EPRS1: variants seen among roughly 807,000 people sequenced by gnomAD.
EPRS1 encodes the protein bifunctional glutamate/proline--tRNA ligase.
EPRS1 carries 107 observed loss-of-function variants against 188.3 expected under a neutral mutation model. That is an observed-to-expected ratio of 0.57 (90% CI 0.49 to 0.67). The LOEUF (loss-of-function observed/expected upper bound fraction) is 0.67. Ranked by LOEUF, EPRS1 falls within the 30% of genes least tolerant of loss-of-function variation. The probability of loss-of-function intolerance (pLI) is 0.00; values close to 1 mark genes in which losing one functional copy is unlikely to be tolerated. For missense variants in EPRS1, 1,577 were observed against 1,802.2 expected (o/e 0.88, Z 2.26); for synonymous variants, 596 against 593.1 (o/e 1.00, Z -0.07).
At chr1:220,044,596 C>T (rs1055662060) in intron 1 of EPRS1, among the ~76,000 whole-genome samples, 5 of 143,640 alleles carry the variant, frequency 3.5e-5, no homozygotes, top group African/African-American at 7.7e-5. Context: ...CATGGTGGTG[C>T]GCACCTCTAA....
At position 219,968,787 on chromosome 1, in the gene EPRS1, G is replaced by C. The variant is rs746928268; in HGVS notation, c.*19C>G. The C allele has an allele frequency of 1.2e-6, 2 of 1,612,846 alleles. No homozygotes were observed. Among genetic ancestry groups the C allele is most frequent in the Non-Finnish European group, 8.5e-7 (1 of 1,178,994 alleles). ...TTTAAAAAGTGAGAGGAGTTGAAGA[G>C]GGGGCTTTCGTTCATCCCTCAGTAG... On this transcript the variant is annotated 3_prime_UTR_variant, in exon 32 of 32. Transcript: ENST00000366923.
intron 1 of EPRS1, among the ~76,000 whole-genome samples, chr1:220,045,668 A>G (rs1330155180): frequency 6.6e-6 from 1 of 152,232 alleles, no homozygotes; most frequent in African/African-American, 2.4e-5. Context: ...TGACAGATCC[A>G]ATGTTTACTC....
intron 9 of EPRS1, among the ~76,000 whole-genome samples, chr1:220,020,524 T>C (rs1289367245): frequency 2.6e-5 from 4 of 151,980 alleles, no homozygotes; most frequent in African/African-American, 9.7e-5. Context: ...ATGTATAACA[T>C]AGTAGGAAGC....
rs1309713805 is a variant in EPRS1, at chr1:220,010,668, G to A, written c.1605+278C>T. 2.6e-5 allele frequency among the ~76,000 whole-genome samples: 4 copies of A among 152,106 alleles called. No homozygotes were observed. The East Asian group carries it at 5.8e-4, about 22-fold the overall frequency. ...CCACTAAAAATACGAAAATTAGCTAGGCGTAGTGGGGGGCACCTGTAATTC... is the reference window on the plus strand; with the variant it reads ...CCACTAAAAATACGAAAATTAGCTAAGCGTAGTGGGGGGCACCTGTAATTC... On this transcript the variant is annotated intron_variant, in intron 13 of 31. Transcript: ENST00000366923.
intron 9 of EPRS1, among the ~76,000 whole-genome samples, chr1:220,020,859 T>C (rs2102589721): frequency 8.9e-6 from 1 of 112,484 alleles, no homozygotes; most frequent in East Asian, 2.7e-4. Context: ...TATATATATA[T>C]ATATATATAT....
At chr1:219,987,006 C>A in intron 20 of EPRS1, 136 bp downstream of exon 20, 1 of 880,034 alleles carries the variant, frequency 1.1e-6, no homozygotes, top group Non-Finnish European at 1.8e-6. Context: ...TCAATAAATG[C>A]TATCTGCTGA....
At chr1:220,032,278 C>A in intron 5 of EPRS1, 109 bp downstream of exon 5, 1 of 739,044 alleles carries the variant, frequency 1.4e-6, no homozygotes, top group Non-Finnish European at 2.0e-6. Context: ...AGCAGAGATG[C>A]GGTTTCACCG....
At chr1:219,996,947 T>G (rs752615651) in intron 18 of EPRS1, 36 bp downstream of exon 18, 14 of 1,529,798 alleles carry the variant, frequency 9.2e-6, no homozygotes, top group Non-Finnish European at 1.2e-5. Context: ...ATTCACACAC[T>G]GAAAATGTGG....
chr1:219,981,832 A>G (rs2102564391), intron 23 of EPRS1, among the ~76,000 whole-genome samples: 1 of 152,344 alleles, frequency 6.6e-6, no homozygotes, highest in South Asian at 2.1e-4. Context: ...TCTCACATTC[A>G]ACCCACAAGA....
chr1:220,032,627 T>C lies in EPRS1; in HGVS notation c.389-101A>G, dbSNP rs547430305. The C allele has an allele frequency of 1.0e-4, 119 of 1,179,236 alleles. No individual in the cohort carries two copies. In the African/African-American group the frequency reaches 1.7e-3, roughly 17 times the overall value. 73.0% of individuals were successfully genotyped at this position (1,179,236 alleles called of 1,614,324 possible). Reference sequence around the variant, plus strand: ...AAGTAATTGAGATGGCTTAAAGTTGTGCTTCTAAAGAAAATGAAATGTTAA... The same window carrying C: ...AAGTAATTGAGATGGCTTAAAGTTGCGCTTCTAAAGAAAATGAAATGTTAA... On this transcript the variant is annotated intron_variant, in intron 4 of 31. Coordinates refer to ENST00000366923, the MANE Select transcript of EPRS1 (RefSeq NM_004446.3).
chr1:220,006,289 A>C lies in EPRS1; in HGVS notation c.1767T>G (p.Ser589=), dbSNP rs1661484724. ...TTTCCAAATTCAACTTTGCATCAAG[A>C]GATATGATTTTTCCATCTGCATTTC... The part of the protein sequence containing the change: ...IHKNADGKII[S]LDAKLNLENK... The change falls in exon 15 of 32, where the codon TCT becomes TCG. Residue 589 remains serine, a synonymous_variant. Transcript: ENST00000366923. 6.4e-7 allele frequency: 1 copy of C among 1,565,478 alleles called. No homozygotes were observed. The highest frequency in any genetic ancestry group is 8.7e-7 in the Non-Finnish European group (1 of 1,152,590).
chr1:220,040,404 G>A (rs983278395), intron 1 of EPRS1, 135 bp from the exon 2 acceptor site: 4 of 567,354 alleles, frequency 7.1e-6, no homozygotes, highest in Non-Finnish European at 1.3e-5. Context: ...TCAGTAGTCT[G>A]TAGACAGAAA....
intron 16 of EPRS1, among the ~76,000 whole-genome samples, chr1:220,004,937 T>C (rs1411863550): frequency 6.6e-6 from 1 of 152,148 alleles, no homozygotes; most frequent in African/African-American, 2.4e-5. Flanking sequence ...ATAATGGTAA[T>C]AATTTTCACC....
chr1:219,977,193 A>G (rs1377469929), intron 28 of EPRS1, among the ~76,000 whole-genome samples: 1 of 152,212 alleles, frequency 6.6e-6, no homozygotes, highest in Non-Finnish European at 1.5e-5. Flanking sequence ...GGCATTAAAA[A>G]GTATAACTAA....
At chr1:219,973,531 G>C in intron 28 of EPRS1, 133 bp from the exon 29 acceptor site, 477 of 357,850 alleles carry the variant, frequency 1.3e-3, no homozygotes, top group Middle Eastern at 2.1e-3. Context: ...AAAAACAAGA[G>C]AAAAAAAAAA....
intron 8 of EPRS1, among the ~76,000 whole-genome samples, chr1:220,023,422 G>T (rs539269061): frequency 6.6e-6 from 1 of 152,128 alleles, no homozygotes; most frequent in Non-Finnish European, 1.5e-5. Context: ...GGCACTCCAG[G>T]TTTAATTATA....
intron 16 of EPRS1, among the ~76,000 whole-genome samples, chr1:220,002,224 T>C (rs1486380361): frequency 6.6e-6 from 1 of 150,848 alleles, no homozygotes. Context: ...CCCAGCTACT[T>C]TGGAGGCTGG....
intron 8 of EPRS1, among the ~76,000 whole-genome samples, chr1:220,022,826 T>A (rs191453401): frequency 1.3e-5 from 2 of 152,356 alleles, no homozygotes; most frequent in Admixed American, 1.3e-4. Flanking sequence ...GCTCACCTAG[T>A]GTTTCCCTTC....
chr1:219,994,517 A>G (rs1558048864), intron 18 of EPRS1, among the ~76,000 whole-genome samples: 1 of 152,146 alleles, frequency 6.6e-6, no homozygotes, highest in African/African-American at 2.4e-5. Context: ...TAATTTTAAA[A>G]AGAAAAGACA....
Sources: gnomAD v4.1 joint callset for allele counts (sites outside exome capture counted in the v4.1 genomes callset) on GRCh38, gnomAD v4.1.1 for gene constraint, MANE v1.5 for transcripts, NCBI Gene and HGNC (gene_info 2026-07-23, HGNC 2026-07-21) for gene names.